The following TXNDC16 variants were observed in gnomAD, a reference collection of about 807,000 sequenced individuals.
TXNDC16 encodes thioredoxin domain-containing protein 16.
Under a neutral mutation model 85.6 loss-of-function variants are expected in TXNDC16, and 74 were observed. That is an observed-to-expected ratio of 0.86 (90% CI 0.72 to 1.05). TXNDC16 has a LOEUF of 1.05. Ranked by LOEUF, TXNDC16 falls within the 50% of genes least tolerant of loss-of-function variation. TXNDC16 has a pLI of 0.00. For missense variants in TXNDC16, 959 were observed against 947.0 expected (o/e 1.01, Z -0.17); for synonymous variants, 335 against 326.5 (o/e 1.03, Z -0.28).
intron 1 of TXNDC16, among the ~76,000 whole-genome samples, chr14:52,547,161 C>T (rs2037957175): frequency 6.6e-6 from 1 of 152,102 alleles, no homozygotes; most frequent in Admixed American, 6.5e-5. Context: ...AGGCCCCCAC[C>T]CGTGCATGGT....
At chr14:52,520,305 A>G (rs1250343634) in intron 6 of TXNDC16, among the ~76,000 whole-genome samples, 4 of 152,230 alleles carry the variant, frequency 2.6e-5, no homozygotes, top group Admixed American at 6.5e-5. Flanking sequence ...ATATTTATTC[A>G]TCCAAAATTA....
intron 18 of TXNDC16, among the ~76,000 whole-genome samples, chr14:52,450,976 C>T (rs2035397451): frequency 6.6e-6 from 1 of 151,312 alleles, no homozygotes; most frequent in Admixed American, 6.6e-5. Flanking sequence ...GCATTCAAAG[C>T]AACCTGGATG....
chr14:52,454,745 G>A (rs1025363838), intron 18 of TXNDC16, among the ~76,000 whole-genome samples: 1 of 151,514 alleles, frequency 6.6e-6, no homozygotes, highest in African/African-American at 2.4e-5. Flanking sequence ...GAACCCGGGA[G>A]GCGGAGGTTG....
chr14:52,456,127 A>G (rs1391028156), intron 17 of TXNDC16, among the ~76,000 whole-genome samples: 1 of 152,266 alleles, frequency 6.6e-6, no homozygotes, highest in East Asian at 1.9e-4. Flanking sequence ...CTAGTGAAGT[A>G]GTCATGTATA....
At chr14:52,505,685 A>T (rs887104907) in intron 9 of TXNDC16, among the ~76,000 whole-genome samples, 1 of 152,222 alleles carries the variant, frequency 6.6e-6, no homozygotes, top group African/African-American at 2.4e-5. Flanking sequence ...CACATTCAAA[A>T]GCTACCAGAA....
chr14:52,475,680 A>G (rs2036004960), intron 14 of TXNDC16, among the ~76,000 whole-genome samples: 1 of 152,058 alleles, frequency 6.6e-6, no homozygotes, highest in South Asian at 2.1e-4. Flanking sequence ...GCCCAAGTAG[A>G]ATCTGAGCTC....
intron 16 of TXNDC16, among the ~76,000 whole-genome samples, chr14:52,460,611 C>G (rs2035630976): frequency 6.6e-6 from 1 of 151,984 alleles, no homozygotes; most frequent in Non-Finnish European, 1.5e-5. Flanking sequence ...TTTTGGGAAG[C>G]CTATTAAATA....
At chr14:52,503,776 C>T (rs1437326520) in intron 9 of TXNDC16, among the ~76,000 whole-genome samples, 6 of 152,102 alleles carry the variant, frequency 3.9e-5, no homozygotes, top group African/African-American at 7.2e-5. Flanking sequence ...CAAACTACTC[C>T]GAGCTAAAGA....
chr14:52,468,843 C>G (rs934621321), intron 16 of TXNDC16, among the ~76,000 whole-genome samples: 1 of 151,610 alleles, frequency 6.6e-6, no homozygotes, highest in Non-Finnish European at 1.5e-5. Context: ...TGTCACTGTA[C>G]TCCAACCTGG....
chr14:52,466,126 ATAAT>A (rs1445001227), intron 16 of TXNDC16, among the ~76,000 whole-genome samples: 2 of 152,058 alleles, frequency 1.3e-5, no homozygotes, highest in Non-Finnish European at 2.9e-5. Flanking sequence ...GATGCAATAA[ATAAT>A]TAAATAAATA....
chr14:52,511,170 A>C (rs2036944378), intron 9 of TXNDC16, 70 bp downstream of exon 9: 5 of 1,307,254 alleles, frequency 3.8e-6, no homozygotes, highest in Non-Finnish European at 5.0e-6. Context: ...TTATGTTAAA[A>C]TAAGACACAT....
At chr14:52,526,401 T>C (rs1256017760) in intron 6 of TXNDC16, among the ~76,000 whole-genome samples, 1 of 152,178 alleles carries the variant, frequency 6.6e-6, no homozygotes, top group Non-Finnish European at 1.5e-5. Context: ...AACCTTGTAA[T>C]ATATATGCCA....
chr14:52,523,362 G>T (rs1363086585), intron 6 of TXNDC16, among the ~76,000 whole-genome samples: 1 of 152,090 alleles, frequency 6.6e-6, no homozygotes, highest in Non-Finnish European at 1.5e-5. Flanking sequence ...ACAACAAAGG[G>T]TCTACCTGAC....
intron 6 of TXNDC16, among the ~76,000 whole-genome samples, chr14:52,528,375 C>T (rs1012748313): frequency 2.0e-5 from 3 of 152,068 alleles, no homozygotes; most frequent in Non-Finnish European, 4.4e-5. Context: ...ACAATCCAAA[C>T]ATCTGTAAAT....
intron 4 of TXNDC16, 116 bp from the exon 5 acceptor site, chr14:52,537,788 TTA>T (rs2037737417): frequency 3.2e-6 from 2 of 633,166 alleles, no homozygotes; most frequent in Non-Finnish European, 5.5e-6. Context: ...ATTTTGTATT[TTA>T]TGTTTTTTTC....
At chr14:52,488,839 A>AAAAAAC (rs1555337759) in intron 11 of TXNDC16, among the ~76,000 whole-genome samples, 1,676 of 151,558 alleles carry the variant, frequency 0.011, 57 homozygotes, top group African/African-American at 0.037. Context: ...GGGAAAAAAA[A>AAAAAAC]AAAAAAAAAA....
chr14:52,445,125 TTTC>T (rs899037814), intron 18 of TXNDC16, among the ~76,000 whole-genome samples: 1 of 152,154 alleles, frequency 6.6e-6, no homozygotes, highest in African/African-American at 2.4e-5. Context: ...TGATTATAAT[TTTC>T]TTCTTTATCC....
rs2036141738 is a variant in TXNDC16 at position 52,481,114 on chromosome 14, T to C, written c.1312+1116A>G. Among the ~76,000 whole-genome samples the C allele has an allele frequency of 2.6e-5, 4 of 151,788 alleles. No homozygotes were observed. In the South Asian group the frequency reaches 8.3e-4, roughly 32 times the overall value. On this transcript the variant is annotated intron_variant, in intron 14 of 20. Transcript: ENST00000281741. ...GAATGAAAAACCAACCATCACATGT[T>C]CTCACTCATATTTGGGAGCTAAGCT...
chr14:52,440,623 T>C lies in TXNDC16; in HGVS notation c.1944A>G (p.Ala648=). 6.2e-7 allele frequency: 1 copy of C among 1,610,210 alleles called. No individual in the cohort carries two copies. The highest frequency in any genetic ancestry group is 8.5e-7 in the Non-Finnish European group (1 of 1,178,830). Residue 648 remains alanine (A), a synonymous_variant, in exon 19 of 21, where the codon GCA becomes GCG. Coordinates refer to ENST00000281741, the MANE Select transcript of TXNDC16 (RefSeq NM_020784.3). ...ATTTCTGCTTTACCAGTGTCAATAT[T>C]GCTTTTTTATACTGAGGATTTACAG... The part of the protein sequence containing the change: ...DGTVNPQYKK[A]ILTLVKQKYL...
Sources: allele counts gnomAD v4.1 joint callset (sites outside exome capture counted in the v4.1 genomes callset), GRCh38; gene constraint gnomAD v4.1.1; transcripts MANE v1.5; gene names NCBI Gene and HGNC (gene_info 2026-07-23, HGNC 2026-07-21).